The following AOPEP variants were observed in gnomAD, a reference collection of about 807,000 sequenced individuals.
AOPEP encodes the protein aminopeptidase O.
AOPEP carries 77 observed loss-of-function variants against 98.1 expected under a neutral mutation model. That is an observed-to-expected ratio of 0.78 (90% confidence interval 0.65 to 0.95). The LOEUF (loss-of-function observed/expected upper bound fraction) is 0.95. Among genes scored for constraint, AOPEP ranks in the 40% least tolerant of loss-of-function variants. The pLI is 0.00. For synonymous variants in AOPEP, 346 were observed against 365.3 expected (o/e 0.95, Z 0.60); for missense variants, 1,024 against 1,024.7 (o/e 1.00, Z 0.01).
the AOPEP span, chr9:95,135,260 T>C: frequency 6.1e-6 from 8 of 1,311,246 alleles, no homozygotes; most frequent in South Asian, 3.6e-5. Flanking sequence ...TTTGTTTACA[T>C]CCCCCCCTTT....
At chr9:95,104,493 A>G in the AOPEP span, among the ~76,000 whole-genome samples, 1 of 152,130 alleles carries the variant, frequency 6.6e-6, no homozygotes, top group African/African-American at 2.4e-5. Flanking sequence ...GCAGGGGCTG[A>G]ACCACGTGTC....
rs118019254 is a variant in AOPEP at position 94,857,022 on chromosome 9, C to T, written c.1364+56020C>T. On this transcript the variant is annotated intron_variant, in intron 5 of 16. Coordinates refer to ENST00000375315, the MANE Select transcript of AOPEP (RefSeq NM_001193329.3). ...TCGTCTATAAAATGGGGCTGTTGAACTTAAAAGTTCTTTCCTGCTCTGGAC... is the reference window on the plus strand; with the variant it reads ...TCGTCTATAAAATGGGGCTGTTGAATTTAAAAGTTCTTTCCTGCTCTGGAC... Among the ~76,000 whole-genome samples, 1,155 of 152,352 alleles carry T rather than the reference C, an allele frequency of 7.6e-3. 14 individuals are homozygous for T. The highest frequency in any genetic ancestry group is 0.011 in the Non-Finnish European group (780 of 68,032).
chr9:94,760,902 T>G (rs1305266418), intron 2 of AOPEP, among the ~76,000 whole-genome samples: 2 of 152,198 alleles, frequency 1.3e-5, no homozygotes, highest in African/African-American at 4.8e-5. Context: ...CTTGGAGTGC[T>G]GTAGATGGGA....
At chr9:94,846,301 A>G (rs991241934) in intron 5 of AOPEP, among the ~76,000 whole-genome samples, 1 of 152,164 alleles carries the variant, frequency 6.6e-6, no homozygotes, top group African/African-American at 2.4e-5. Context: ...CAGGAATATC[A>G]GCTGCTGAGA....
chr9:95,006,255 C>T (rs1193590320), intron 13 of AOPEP: 3 of 336,172 alleles, frequency 8.9e-6, no homozygotes, highest in Non-Finnish European at 1.2e-5. Flanking sequence ...GCGGAAAACT[C>T]GTAAAAGTGA....
chr9:94,822,871 A>G (rs1853565179), intron 5 of AOPEP, among the ~76,000 whole-genome samples: 1 of 152,122 alleles, frequency 6.6e-6, no homozygotes, highest in Non-Finnish European at 1.5e-5. Context: ...GAAAAGAGTA[A>G]TTCTGTATCT....
intron 5 of AOPEP, among the ~76,000 whole-genome samples, chr9:94,817,115 C>A (rs1851874178): frequency 6.6e-6 from 1 of 152,184 alleles, no homozygotes; most frequent in African/African-American, 2.4e-5. Context: ...ATCCTCCTAC[C>A]CCAGCCCCCT....
Position 95,064,132 on chromosome 9 carries a change from C to T in AOPEP, c.2232+3322C>T, listed in dbSNP as rs573585499. Among the ~76,000 whole-genome samples, 12 of 152,288 alleles carry T rather than the reference C, an allele frequency of 7.9e-5. No homozygotes were observed. The South Asian group carries it at 2.5e-3, about 32-fold the overall frequency. Reference sequence around the variant, plus strand: ...TGAGGAAACAGATTGTAAGGGCATACCTGTTTCAGCACTCATCCGGCTGCC... The same window carrying T: ...TGAGGAAACAGATTGTAAGGGCATATCTGTTTCAGCACTCATCCGGCTGCC... On this transcript the variant is annotated intron_variant, in intron 14 of 16. Transcript: ENST00000375315.
At chr9:94,866,758 A>C (rs1388379116) in intron 5 of AOPEP, among the ~76,000 whole-genome samples, 1 of 152,232 alleles carries the variant, frequency 6.6e-6, no homozygotes, top group African/African-American at 2.4e-5. Flanking sequence ...TTTTACAAAT[A>C]AAGCTTATTG....
At chr9:94,966,513 T>G (rs1372511024) in intron 9 of AOPEP, among the ~76,000 whole-genome samples, 1 of 152,258 alleles carries the variant, frequency 6.6e-6, no homozygotes, top group Non-Finnish European at 1.5e-5. Flanking sequence ...ATTTTCTATT[T>G]ATTAAAATAA....
the AOPEP span, among the ~76,000 whole-genome samples, chr9:95,098,556 T>C: frequency 1.3e-5 from 2 of 152,046 alleles, no homozygotes; most frequent in South Asian, 2.1e-4. Context: ...TGGGGAGTGC[T>C]GGAAACCCCA....
At chr9:94,943,919 CAAAAAAAAA>C (rs775807087) in intron 7 of AOPEP, among the ~76,000 whole-genome samples, 1 of 17,396 alleles carries the variant, frequency 5.7e-5, no homozygotes, top group Non-Finnish European at 2.1e-4. Context: ...GACTCCATCT[CAAAAAAAAA>C]AAAAAAAAAA....
rs1210941371 is a variant in AOPEP at position 94,972,965 on chromosome 9, C to T, written c.1916+5164C>T. On this transcript the variant is annotated intron_variant, in intron 10 of 16. Coordinates refer to ENST00000375315, the MANE Select transcript of AOPEP (RefSeq NM_001193329.3). This position sits in a 1 kb window ranked among gnomAD's most constrained non-coding sequence, Gnocchi z 4.2. ...AAAAAAAAAGGAAGAAAATAAGTAA[C>T]TCTGCACAGCTTTGAGATCCACCCA... Among the ~76,000 whole-genome samples, 3 of 151,910 alleles carry T rather than the reference C, an allele frequency of 2.0e-5. No individual in the cohort carries two copies. In the East Asian group the frequency reaches 5.8e-4, roughly 29 times the overall value.
In AOPEP at chr9:94,924,129, G is replaced by T. The variant is rs745709222; in HGVS notation, c.1508G>T (p.Gly503Val). 2 of 1,495,288 alleles carry T rather than the reference G, an allele frequency of 1.3e-6. No individual in the cohort carries two copies. The highest frequency in any genetic ancestry group is 2.7e-5 in the East Asian group (1 of 37,692). The allele number at this position is 1,495,288 out of a possible 1,614,324, so 92.6% of individuals were successfully genotyped here. A position where few individuals can be genotyped will look rare whatever the true frequency, so the allele number is the denominator to read the frequency against. The part of the protein sequence containing the change: ...RDWTEEWLSE[G>V]FATHLEDVFW... ...TGGACGGAGGAGTGGCTGAGTGAAG[G>T]CTTCGCCACTCACTTGGAGGATGTG... The change falls in exon 6 of 17, where the codon GGC (glycine) becomes GTC (valine). Residue 503 changes from glycine (G) to valine (V), a missense_variant. Coordinates refer to ENST00000375315, the MANE Select transcript of AOPEP (RefSeq NM_001193329.3).
chr9:95,035,541 G>A (rs1236949538), intron 13 of AOPEP, among the ~76,000 whole-genome samples: 2 of 122,592 alleles, frequency 1.6e-5, no homozygotes, highest in Non-Finnish European at 3.2e-5. Context: ...TTTTTGAGAC[G>A]GAGTTTCGCT....
At chr9:95,054,141 A>G (rs1012315765) in intron 13 of AOPEP, among the ~76,000 whole-genome samples, 1 of 152,244 alleles carries the variant, frequency 6.6e-6, no homozygotes, top group African/African-American at 2.4e-5. Flanking sequence ...GCATATATTG[A>G]ACATGCCATT....
chr9:94,929,634 A>C (rs1422797292), intron 7 of AOPEP, among the ~76,000 whole-genome samples: 2 of 152,272 alleles, frequency 1.3e-5, no homozygotes, highest in Non-Finnish European at 2.9e-5. Context: ...CCCCAAAGCC[A>C]TTGTTCCAGC....
intron 11 of AOPEP, among the ~76,000 whole-genome samples, chr9:95,000,683 A>G (rs1324958642): frequency 6.6e-6 from 1 of 152,214 alleles, no homozygotes; most frequent in Non-Finnish European, 1.5e-5. Context: ...ACTCCAGCCT[A>G]GGTGACAAGA....
the AOPEP span, among the ~76,000 whole-genome samples, chr9:95,096,108 A>G: frequency 6.6e-6 from 1 of 152,210 alleles, no homozygotes; most frequent in Non-Finnish European, 1.5e-5. Context: ...AGAACGAGCC[A>G]TGCTCCAGAT....
Sources: allele counts gnomAD v4.1 joint callset (sites outside exome capture counted in the v4.1 genomes callset), GRCh38; gene constraint gnomAD v4.1.1; non-coding constraint Gnocchi (gnomAD v3.1); transcripts MANE v1.5; gene names NCBI Gene and HGNC (gene_info 2026-07-23, HGNC 2026-07-21).